EMCN: variants seen among roughly 807,000 people sequenced by gnomAD.
The protein encoded by EMCN is endomucin, also known as MUC-14.
A neutral mutation model predicts 38.4 loss-of-function variants in EMCN; 37 were observed. The observed-to-expected ratio is 0.96, with a 90% CI of 0.74 to 1.27. The LOEUF (loss-of-function observed/expected upper bound fraction) is 1.27. Among genes scored for constraint, EMCN ranks in the 50% most tolerant of loss-of-function variants. EMCN has a pLI of 0.00. For missense variants in EMCN, 318 were observed against 302.8 expected (o/e 1.05, Z -0.37); for synonymous variants, 95 against 100.8 (o/e 0.94, Z 0.35).
chr4:100,494,413 G>A lies in EMCN; in HGVS notation c.65-14374C>T, dbSNP rs137858535. Among the ~76,000 whole-genome samples, 21 of 152,234 alleles carry A rather than the reference G, an allele frequency of 1.4e-4. 1 individual carries two copies. The highest frequency in any genetic ancestry group is 4.1e-4 in the African/African-American group (17 of 41,552). On this transcript the variant is annotated intron_variant, in intron 1 of 11. Coordinates refer to ENST00000296420, the MANE Select transcript of EMCN (RefSeq NM_016242.4). ...CAGTTTCAGAATATGCTCAAAGTCTGGTTGGGGAGTATCTGCTCTGCTGAC... is the reference window on the plus strand; with the variant it reads ...CAGTTTCAGAATATGCTCAAAGTCTAGTTGGGGAGTATCTGCTCTGCTGAC...
chr4:100,406,078 G>A (rs2110206551), intron 11 of EMCN, among the ~76,000 whole-genome samples: 1 of 152,078 alleles, frequency 6.6e-6, no homozygotes, highest in East Asian at 1.9e-4. Context: ...TGTGGAGTCA[G>A]TGGTAATATC....
Position 100,421,355 on chromosome 4 carries a change from A to C in EMCN, c.591T>G (p.Ile197Met). The change falls in exon 8 of 12, where the codon ATT (isoleucine) becomes ATG (methionine). Residue 197 changes from isoleucine to methionine, a missense_variant. By Grantham distance (10) the Ile-to-Met change is conservative. Transcript: ENST00000296420. ...CTGAAAGTGTTATTACAATCAAAGC[A>C]ATAACCACCGGCAAAATAATACCTA... ...SYSSIILPVV[I>M]ALIVITLSVF... 5 of 1,612,724 alleles carry C rather than the reference A, an allele frequency of 3.1e-6. 1 individual carries two copies. The Middle Eastern group carries it at 6.6e-4, about 213-fold the overall frequency.
intron 7 of EMCN, among the ~76,000 whole-genome samples, chr4:100,422,367 T>C (rs960239695): frequency 6.6e-6 from 1 of 151,994 alleles, no homozygotes; most frequent in Non-Finnish European, 1.5e-5. Flanking sequence ...ATGGAATGGG[T>C]TTAACTAAAC....
intron 5 of EMCN, among the ~76,000 whole-genome samples, chr4:100,438,912 C>A (rs950657861): frequency 9.9e-5 from 15 of 151,808 alleles, no homozygotes; most frequent in East Asian, 9.6e-4. Context: ...GTTAAACTAG[C>A]CTTGCATATC....
Position 100,447,578 on chromosome 4 carries a change from A to G in EMCN, c.377-7T>C. The G allele has an allele frequency of 6.3e-7, 1 of 1,579,690 alleles. No individual in the cohort carries two copies. Among genetic ancestry groups the G allele is most frequent in the Non-Finnish European group, 8.7e-7 (1 of 1,151,606 alleles). On this transcript the variant is annotated splice_polypyrimidine_tract_variant and splice_region_variant and intron_variant, in intron 4 of 11. Transcript: ENST00000296420. ...ATTGAACTCTGAGTTTCAGCTTTAG[A>G]AGGAAAAAAAGAAAAAAAATCAGTA...
At chr4:100,453,573 G>A (rs1317099834) in intron 4 of EMCN, among the ~76,000 whole-genome samples, 7 of 152,196 alleles carry the variant, frequency 4.6e-5, no homozygotes, top group African/African-American at 1.4e-4. Flanking sequence ...CACTGTTGGT[G>A]GGACTGTAAA....
chr4:100,489,102 G>A (rs1463876796), intron 1 of EMCN, among the ~76,000 whole-genome samples: 1 of 152,116 alleles, frequency 6.6e-6, no homozygotes, highest in African/African-American at 2.4e-5. Context: ...TTTGACTTTT[G>A]AAGATGCAGT....
At chr4:100,495,796 C>T (rs1222144232) in intron 1 of EMCN, among the ~76,000 whole-genome samples, 1 of 151,970 alleles carries the variant, frequency 6.6e-6, no homozygotes, top group Non-Finnish European at 1.5e-5. Flanking sequence ...TCTTTAGCTA[C>T]TAATGCAGTA....
chr4:100,497,204 T>A (rs1382791122), intron 1 of EMCN, among the ~76,000 whole-genome samples: 1 of 149,918 alleles, frequency 6.7e-6, no homozygotes, highest in Non-Finnish European at 1.5e-5. Flanking sequence ...ATAATCTAGC[T>A]AGACTTGAGT....
chr4:100,455,926 C>G (rs1250539792), intron 4 of EMCN, among the ~76,000 whole-genome samples: 4 of 152,110 alleles, frequency 2.6e-5, no homozygotes, highest in Non-Finnish European at 4.4e-5. Flanking sequence ...TCCCAAGTAG[C>G]TGGGAATACA....
At chr4:100,475,659 CTTTTTTTTT>C (rs869169290) in intron 2 of EMCN, among the ~76,000 whole-genome samples, 12 of 60,306 alleles carry the variant, frequency 2.0e-4, no homozygotes, top group Non-Finnish European at 2.8e-4. Flanking sequence ...AATTCTAGTC[CTTTTTTTTT>C]TTTTTTTTTT....
chr4:100,415,429 A>G (rs1329410820), intron 10 of EMCN, among the ~76,000 whole-genome samples: 1 of 152,174 alleles, frequency 6.6e-6, no homozygotes, highest in Non-Finnish European at 1.5e-5. Context: ...TTCACATTAC[A>G]TCAATAGAAT....
intron 1 of EMCN, among the ~76,000 whole-genome samples, chr4:100,497,395 G>C (rs1729235943): frequency 7.0e-6 from 1 of 143,450 alleles, no homozygotes; most frequent in Non-Finnish European, 1.5e-5. Flanking sequence ...TTTTTTTTTT[G>C]AGACGGAGTC....
rs149717219 is a variant in EMCN at position 100,418,426 on chromosome 4, CA to C, written c.665-1286del. 8.9e-3 allele frequency among the ~76,000 whole-genome samples: 1,350 copies of C among 152,182 alleles called. 17 individuals are homozygous for C. The highest frequency in any genetic ancestry group is 0.031 in the African/African-American group (1,292 of 41,544). ...TTCAATTATATTCATTGAGTTATTT[CA>C]AAATGTATCATTAAGTTTATTATTG... On this transcript the variant is annotated intron_variant, in intron 8 of 11. Coordinates refer to ENST00000296420, the MANE Select transcript of EMCN (RefSeq NM_016242.4).
At chr4:100,479,813 C>A in intron 2 of EMCN, 104 bp downstream of exon 2, 1 of 960,436 alleles carries the variant, frequency 1.0e-6, no homozygotes, top group Non-Finnish European at 1.5e-6. Flanking sequence ...ACCTTTATAA[C>A]AATCAGATAT....
intron 4 of EMCN, among the ~76,000 whole-genome samples, chr4:100,462,969 A>G (rs1027499125): frequency 6.6e-6 from 1 of 152,170 alleles, no homozygotes; most frequent in African/African-American, 2.4e-5. Context: ...GAGATTTCCC[A>G]AGAAAAGACT....
At chr4:100,469,728 T>C (rs1728422175) in intron 3 of EMCN, among the ~76,000 whole-genome samples, 1 of 151,970 alleles carries the variant, frequency 6.6e-6, no homozygotes, top group African/African-American at 2.4e-5. Context: ...TTGTTGAAGA[T>C]TAGATAGTGT....
At chr4:100,499,771 T>A (rs1242356995) in intron 1 of EMCN, among the ~76,000 whole-genome samples, 1 of 152,194 alleles carries the variant, frequency 6.6e-6, no homozygotes, top group Non-Finnish European at 1.5e-5. Context: ...GATAAATCAA[T>A]TAGTGTATAA....
intron 3 of EMCN, chr4:100,473,992 C>A (rs977700776): frequency 6.5e-6 from 1 of 152,880 alleles, no homozygotes; most frequent in South Asian, 1.9e-4. Flanking sequence ...AAATAAAGGT[C>A]ATGGTCACTG....
Sources: gnomAD v4.1 joint callset for allele counts (sites outside exome capture counted in the v4.1 genomes callset) on GRCh38, gnomAD v4.1.1 for gene constraint, MANE v1.5 for transcripts, NCBI Gene and HGNC (gene_info 2026-07-23, HGNC 2026-07-21) for gene names.